The following HPS4 variants were observed in gnomAD, a reference collection of about 807,000 sequenced individuals.
HPS4 encodes the protein BLOC-3 complex member HPS4.
A neutral mutation model predicts 70.3 loss-of-function variants in HPS4; 44 were observed. The observed-to-expected ratio is 0.63, with a 90% CI of 0.49 to 0.80. The LOEUF (loss-of-function observed/expected upper bound fraction) is 0.80. Among genes scored for constraint, HPS4 ranks in the 30% least tolerant of loss-of-function variants. The pLI, the probability that HPS4 is intolerant of heterozygous loss-of-function variation, is 0.00. For synonymous variants in HPS4, 377 were observed against 355.9 expected (o/e 1.06, Z -0.67); for missense variants, 873 against 884.4 (o/e 0.99, Z 0.16).
intron 8 of HPS4, 81 bp from the exon 9 acceptor site, chr22:26,466,343 T>C: frequency 1.3e-6 from 2 of 1,519,342 alleles, no homozygotes; most frequent in Non-Finnish European, 9.1e-7. Context: ...TGCTGTGCCA[T>C]CTGTTCATAA....
At chr22:26,480,331 T>A (rs991677834) in intron 2 of HPS4, among the ~76,000 whole-genome samples, 2 of 152,064 alleles carry the variant, frequency 1.3e-5, no homozygotes, top group African/African-American at 2.4e-5. Context: ...GCCATCATGC[T>A]CGGCTATTTT....
intron 3 of HPS4, chr22:26,444,806 T>C (rs1568987662): frequency 6.6e-6 from 1 of 152,242 alleles, no homozygotes; most frequent in Non-Finnish European, 1.5e-5. Context: ...GTGATGAGAA[T>C]GCAGGAAAAG....
At chr22:26,446,384 T>G (rs763102046), downstream of HPS4, among the ~76,000 whole-genome samples, 580 of 152,314 alleles carry the variant, frequency 3.8e-3, 4 homozygotes, top group Non-Finnish European at 7.2e-3. Context: ...GAGTGCTCCG[T>G]AGCATACTGT....
chr22:26,483,759 C>T lies in HPS4; in HGVS notation c.-564G>A, dbSNP rs1194881019. On this transcript the variant is annotated 5_prime_UTR_variant, in exon 1 of 14. Coordinates refer to ENST00000398145, the MANE Select transcript of HPS4 (RefSeq NM_022081.6). ...CAGCTGGGTACCTGCGACTTCTGCCCCGTACCTGCGCGCGCGGCAGAGAGG... is the reference window on the plus strand; with the variant it reads ...CAGCTGGGTACCTGCGACTTCTGCCTCGTACCTGCGCGCGCGGCAGAGAGG... The T allele has an allele frequency of 5.2e-6, 3 of 576,572 alleles. No homozygotes were observed. Among genetic ancestry groups the T allele is most frequent in the African/African-American group, 2.0e-5 (1 of 50,608 alleles). The allele number at this position is 576,572 out of a possible 1,614,324, so 35.7% of individuals were successfully genotyped here. A position where few individuals can be genotyped will look rare whatever the true frequency, so the allele number is the denominator to read the frequency against.
intron 9 of HPS4, chr22:26,465,814 C>T: frequency 1.8e-6 from 1 of 560,654 alleles, no homozygotes; most frequent in Non-Finnish European, 3.2e-6. Context: ...AGCACTTTTA[C>T]AAGAAGAAGA....
At chr22:26,447,189 G>A (rs573391368), downstream of HPS4, among the ~76,000 whole-genome samples, 9 of 152,320 alleles carry the variant, frequency 5.9e-5, no homozygotes, top group African/African-American at 2.2e-4. Context: ...GTCAGGGCTG[G>A]ACACGTGATC....
intron 9 of HPS4, chr22:26,465,975 G>C: frequency 8.1e-7 from 1 of 1,232,800 alleles, no homozygotes; most frequent in South Asian, 1.3e-5. Flanking sequence ...GCACTTGACC[G>C]AGCAGTCTCA....
chr22:26,444,947 T>C lies in HPS4; in HGVS notation n.519-253A>G, dbSNP rs1412300739. The C allele has an allele frequency of 1.3e-5, 2 of 152,200 alleles. 1 individual carries two copies. The highest frequency in any genetic ancestry group is 3.8e-4 in the East Asian group (2 of 5,200). The allele number at this position is 152,200 out of a possible 1,614,324, so 9.4% of individuals were successfully genotyped here. ...AAAACCAACAGCCCGCGCAGGTACCTAGCTACCTGCATTCATGTGACATGT... is the reference window on the plus strand; with the variant it reads ...AAAACCAACAGCCCGCGCAGGTACCCAGCTACCTGCATTCATGTGACATGT... On this transcript the variant is annotated intron_variant and non_coding_transcript_variant, in intron 3 of 3. Transcript: ENST00000493455.
At chr22:26,474,416 C>A (rs1445281061) in intron 4 of HPS4, among the ~76,000 whole-genome samples, 3 of 151,512 alleles carry the variant, frequency 2.0e-5, no homozygotes, top group African/African-American at 2.4e-5. Context: ...CTATTCACAC[C>A]ATTCACAAAT....
intron 9 of HPS4, chr22:26,465,927 C>T (rs758739342): frequency 2.0e-5 from 16 of 783,780 alleles, no homozygotes; most frequent in Non-Finnish European, 3.2e-5. Context: ...TTCTGGCAGT[C>T]GCTGTTTGCC....
chr22:26,447,811 T>C (rs1416844773), downstream of HPS4, among the ~76,000 whole-genome samples: 2 of 152,132 alleles, frequency 1.3e-5, no homozygotes, highest in Non-Finnish European at 2.9e-5. Flanking sequence ...TTTCCGCCTC[T>C]TTCCCAGGCA....
In HPS4 at chr22:26,451,222, C is replaced by A. The variant is rs918060804; in HGVS notation, c.*2011G>T. ...GGCTGTCCGTCGCTTGGCCCGTACT[C>A]TGGGGGCGCTAATTTTGAGGGGATG... On this transcript the variant is annotated 3_prime_UTR_variant, in exon 14 of 14. Coordinates refer to ENST00000398145, the MANE Select transcript of HPS4 (RefSeq NM_022081.6). Among the ~76,000 whole-genome samples, 1 of 152,186 alleles carries A rather than the reference C, an allele frequency of 6.6e-6. No individual in the cohort carries two copies. The highest frequency in any genetic ancestry group is 1.5e-5 in the Non-Finnish European group (1 of 68,038).
In HPS4 at chr22:26,472,282, A is replaced by G. The variant is rs1241803207; in HGVS notation, c.501+20T>C. ...CCCTAGTCTTACATATAAAATGAAT[A>G]AGGAGGATGAAAATGTTACTTTAGT... On this transcript the variant is annotated intron_variant, in intron 6 of 13. Coordinates refer to ENST00000398145, the MANE Select transcript of HPS4 (RefSeq NM_022081.6). 2.7e-5 allele frequency: 37 copies of G among 1,347,126 alleles called. No individual in the cohort carries two copies. Among genetic ancestry groups the G allele is most frequent in the Non-Finnish European group, 3.2e-5 (30 of 936,566 alleles). 83.4% of individuals were successfully genotyped at this position (1,347,126 alleles called of 1,614,324 possible).
Position 26,472,879 on chromosome 22 carries a change from C to T in HPS4, c.337G>A (p.Val113Ile), listed in dbSNP as rs765499989. The change falls in exon 5 of 14, where the codon GTT becomes ATT. Residue 113 changes from valine to isoleucine, a missense_variant. Coordinates refer to ENST00000398145, the MANE Select transcript of HPS4 (RefSeq NM_022081.6). ...VSCKRFLDQL[V>I]GFFNFYNGPV... ...CCATTGTAAAAATTAAAGAATCCAA[C>T]TAGCTGATCCAGAAACCGCTTGCAG... 2.5e-6 allele frequency: 4 copies of T among 1,614,224 alleles called. 1 individual carries two copies.
At chr22:26,482,329 A>G (rs1412809125) in intron 1 of HPS4, 89 bp from the exon 2 acceptor site, 1 of 155,318 alleles carries the variant, frequency 6.4e-6, no homozygotes, top group Non-Finnish European at 1.4e-5. Context: ...ATTTCAAAAG[A>G]GCTTTCTGTG....
intron 2 of HPS4, chr22:26,479,807 T>C: frequency 2.1e-6 from 1 of 476,168 alleles, no homozygotes; most frequent in South Asian, 7.6e-5. Context: ...TGCATTCACT[T>C]AAACATTTAC....
At chr22:26,469,113 C>T (rs887124551) in intron 7 of HPS4, among the ~76,000 whole-genome samples, 8 of 151,906 alleles carry the variant, frequency 5.3e-5, no homozygotes, top group Admixed American at 3.3e-4. Context: ...ACAGAAAGAG[C>T]AAGATGCCCA....
intron 4 of HPS4, among the ~76,000 whole-genome samples, chr22:26,474,106 A>C (rs1033472909): frequency 1.3e-5 from 2 of 152,246 alleles, no homozygotes; most frequent in Admixed American, 1.3e-4. Flanking sequence ...GAAAACACAA[A>C]GAACCTGAAA....
intron 6 of HPS4, 147 bp from the exon 7 acceptor site, chr22:26,470,960 C>T: frequency 1.3e-6 from 2 of 1,515,604 alleles, no homozygotes; most frequent in Non-Finnish European, 1.8e-6. Context: ...GAAAGCTGTG[C>T]CATGGCTTGG....
Sources: allele counts gnomAD v4.1 joint callset (sites outside exome capture counted in the v4.1 genomes callset), GRCh38; gene constraint gnomAD v4.1.1; transcripts MANE v1.5; gene names NCBI Gene and HGNC (gene_info 2026-07-23, HGNC 2026-07-21).